Variants in KIN observed in about 807,000 individuals in gnomAD.
KIN encodes Kin17 DNA and RNA binding protein.
KIN carries 47 observed loss-of-function variants against 63.0 expected under a neutral mutation model. The observed-to-expected ratio is 0.75, with a 90% confidence interval of 0.59 to 0.95. The LOEUF (loss-of-function observed/expected upper bound fraction) is 0.95, where lower values mean the gene tolerates loss of function less well. Among genes scored for constraint, KIN ranks in the 40% least tolerant of loss-of-function variants. The pLI, the probability that KIN is intolerant of heterozygous loss-of-function variation, is 0.00. For synonymous variants in KIN, 160 were observed against 157.7 expected, an observed-to-expected ratio of 1.01 and a Z score of -0.11; for missense variants, 408 against 460.9, an observed-to-expected ratio of 0.89 and a Z score of 1.05.
At chr10:7,774,029 T>C (rs141007204) in intron 7 of KIN, among the ~76,000 whole-genome samples, 3 of 152,328 alleles carry the variant, frequency 2.0e-5, no homozygotes, top group South Asian at 2.1e-4. Context: ...CCGGCTTTTG[T>C]AAATAAATGT....
chr10:7,758,289 C>G (rs917827197), intron 12 of KIN, among the ~76,000 whole-genome samples: 1 of 152,046 alleles, frequency 6.6e-6, no homozygotes, highest in African/African-American at 2.4e-5. Flanking sequence ...GGGCTGGTCT[C>G]GAACTCCTGA....
chr10:7,760,684 A>G (rs1325706327), intron 11 of KIN, among the ~76,000 whole-genome samples: 1 of 152,170 alleles, frequency 6.6e-6, no homozygotes, highest in Non-Finnish European at 1.5e-5. Flanking sequence ...TAATTGCTCT[A>G]TTTTATTATT....
At chr10:7,774,275 G>C (rs1049316972) in intron 7 of KIN, among the ~76,000 whole-genome samples, 6 of 152,206 alleles carry the variant, frequency 3.9e-5, no homozygotes, top group Non-Finnish European at 8.8e-5. Context: ...GGGGACGAAG[G>C]AGAGAGGTTG....
At chr10:7,782,689 G>A (rs757895729) in intron 2 of KIN, among the ~76,000 whole-genome samples, 12 of 152,196 alleles carry the variant, frequency 7.9e-5, no homozygotes, top group African/African-American at 1.7e-4. Context: ...GAGCCACCTC[G>A]CCTGGCTTCT....
chr10:7,780,437 C>A, intron 2 of KIN, 130 bp from the exon 3 acceptor site: 2 of 699,030 alleles, frequency 2.9e-6, no homozygotes, highest in Non-Finnish European at 2.3e-6. Context: ...TCTCGTCACC[C>A]AAGCTGGAGT....
rs1471556667 is a variant in KIN at position 7,780,104 on chromosome 10, T to A, written c.328A>T (p.Thr110Ser). ...AAATCAGTCAGAGTTTCCCACTGAG[T>A]GGCATTCATGTGGATGTGCTCTCGG... ...SHREHIHMNA[T>S]QWETLTDFTK... is the part of the protein sequence containing the mutation. Residue 110 changes from threonine to serine, a missense_variant, in exon 4 of 13, where the codon ACT (threonine) becomes TCT (serine). Thr to Ser is a moderately conservative substitution (Grantham distance 58, BLOSUM62 1). Around this residue, in one of 2 missense-constraint regions of KIN, gnomAD observed 110 missense variants for 164.9 expected, o/e 0.67. Coordinates refer to ENST00000379562, the MANE Select transcript of KIN (RefSeq NM_012311.4). 6.2e-7 allele frequency: 1 copy of A among 1,613,602 alleles called. No individual in the cohort carries two copies. Among genetic ancestry groups the A allele is most frequent in the South Asian group, 1.1e-5 (1 of 91,050 alleles).
At chr10:7,762,069 C>T (rs767010542) in intron 11 of KIN, among the ~76,000 whole-genome samples, 2 of 151,976 alleles carry the variant, frequency 1.3e-5, no homozygotes, top group Non-Finnish European at 2.9e-5. Context: ...TGGGTTCCAA[C>T]CCTAAGATAT....
chr10:7,762,978 G>A (rs767833881), intron 10 of KIN, among the ~76,000 whole-genome samples: 3 of 152,162 alleles, frequency 2.0e-5, no homozygotes, highest in Non-Finnish European at 1.5e-5. Flanking sequence ...AGAGTAGGCC[G>A]GGTGCAGTGG....
At chr10:7,786,264 G>A (rs71477301) in intron 1 of KIN, among the ~76,000 whole-genome samples, 121 of 152,220 alleles carry the variant, frequency 7.9e-4, no homozygotes, top group Non-Finnish European at 8.4e-4. Context: ...TGATAAAGAG[G>A]AACTTCTATT....
intron 7 of KIN, among the ~76,000 whole-genome samples, chr10:7,774,133 TG>T (rs1320887780): frequency 6.6e-6 from 1 of 152,230 alleles, no homozygotes; most frequent in East Asian, 1.9e-4. Context: ...CAAAGACATC[TG>T]GCCGAAAAGC....
At position 7,754,415 on chromosome 10, in the gene KIN, A is replaced by C. The variant is rs1228858089; in HGVS notation, c.*1665T>G. ...TTTGGGAGGCTGAGGCGGGCAGATC[A>C]TAAGGTCAAGAGATCGAGACCATCC... On this transcript the variant is annotated 3_prime_UTR_variant, in exon 13 of 13. Transcript: ENST00000379562. 2 of 210,408 alleles carry C rather than the reference A, an allele frequency of 9.5e-6. No homozygotes were observed. Among genetic ancestry groups the C allele is most frequent in the African/African-American group, 4.7e-5 (2 of 42,666 alleles). The allele number at this position is 210,408 out of a possible 1,614,324, so 13.0% of individuals were successfully genotyped here.
chr10:7,786,582 A>G (rs928951798), intron 1 of KIN, among the ~76,000 whole-genome samples: 3 of 151,734 alleles, frequency 2.0e-5, no homozygotes, highest in Non-Finnish European at 4.4e-5. Context: ...CATGATGAAC[A>G]GGGTGGGACC....
chr10:7,762,851 G>A (rs1835463137), intron 10 of KIN, among the ~76,000 whole-genome samples: 1 of 152,184 alleles, frequency 6.6e-6, no homozygotes, highest in Non-Finnish European at 1.5e-5. Flanking sequence ...CTAGCTTAAT[G>A]TACAGTGGAA....
chr10:7,763,732 A>G lies in KIN; in HGVS notation c.909T>C (p.Ala303=). 6.7e-7 allele frequency: 1 copy of G among 1,488,412 alleles called. No individual in the cohort carries two copies. The highest frequency in any genetic ancestry group is 9.3e-7 in the Non-Finnish European group (1 of 1,078,398). 92.2% of individuals were successfully genotyped at this position (1,488,412 alleles called of 1,614,324 possible). ...AATTGCACGTCCTTACCTTAACAAT[A>G]GCCTTTTTCTTATGATATTTCTCTC... ...KLGEKYHKKK[A]IVKEVIDKYT... The change falls in exon 10 of 13, where the codon GCT becomes GCC. Residue 303 remains alanine (A), a synonymous_variant. Coordinates refer to ENST00000379562, the MANE Select transcript of KIN (RefSeq NM_012311.4).
At position 7,755,219 on chromosome 10, in the gene KIN, T is replaced by C. The variant is rs966469380; in HGVS notation, c.*861A>G. 1 of 152,170 alleles carries C rather than the reference T, an allele frequency of 6.6e-6. No individual in the cohort carries two copies. Among genetic ancestry groups the C allele is most frequent in the African/African-American group, 2.4e-5 (1 of 41,454 alleles). The allele number at this position is 152,170 out of a possible 1,614,324, so 9.4% of individuals were successfully genotyped here. The stretch of plus-strand genomic sequence containing the variant: ...GTGATCATGGCAGCATTATTCACAA[T>C]AGCCAAAAAGTAGAAACAATCTAAA... On this transcript the variant is annotated 3_prime_UTR_variant, in exon 13 of 13. Transcript: ENST00000379562.
chr10:7,764,825 C>T (rs865864174), intron 9 of KIN, among the ~76,000 whole-genome samples: 7 of 152,196 alleles, frequency 4.6e-5, no homozygotes, highest in South Asian at 4.1e-4. Flanking sequence ...CCCTTATCCA[C>T]AGTAGATCTG....
chr10:7,752,719 T>A lies in KIN; in HGVS notation c.*3361A>T, dbSNP rs761514180. On this transcript the variant is annotated 3_prime_UTR_variant, in exon 13 of 13. Transcript: ENST00000379562. ...TGTGGTGCATTCAGACAATAGAATA[T>A]GCAGTGCTAAAATGAAGTGCGCTAT... 1.3e-5 allele frequency: 2 copies of A among 152,208 alleles called. No individual in the cohort carries two copies. Among genetic ancestry groups the A allele is most frequent in the African/African-American group, 2.4e-5 (1 of 41,450 alleles). 9.4% of individuals were successfully genotyped at this position (152,208 alleles called of 1,614,324 possible). A position where few individuals can be genotyped will look rare whatever the true frequency, so the allele number is the denominator to read the frequency against.
At chr10:7,784,698 A>G (rs1361188469) in intron 1 of KIN, among the ~76,000 whole-genome samples, 1 of 152,224 alleles carries the variant, frequency 6.6e-6, no homozygotes, top group Non-Finnish European at 1.5e-5. Context: ...AAAATTAGAA[A>G]AATAACCTCT....
chr10:7,769,534 A>T (rs901071523), intron 7 of KIN, among the ~76,000 whole-genome samples, 189 bp from the exon 8 acceptor site: 2 of 152,112 alleles, frequency 1.3e-5, no homozygotes, highest in Non-Finnish European at 2.9e-5. Flanking sequence ...AACCCGTGCT[A>T]TCTTTAACTC....
Sources: allele counts gnomAD v4.1 joint callset (sites outside exome capture counted in the v4.1 genomes callset), GRCh38; gene constraint gnomAD v4.1.1; regional missense constraint gnomAD v4.1.1; transcripts MANE v1.5; gene names NCBI Gene and HGNC (gene_info 2026-07-23, HGNC 2026-07-21).